Variants in TLCD2 observed in about 807,000 individuals in gnomAD.
TLCD2 encodes the protein TLC domain containing 2, also known as TLC domain-containing protein 2.
TLCD2 carries 12 observed loss-of-function variants against 14.0 expected under a neutral mutation model. The observed-to-expected ratio is 0.86, with a 90% CI of 0.55 to 1.39. The LOEUF is 1.39. Among genes scored for constraint, TLCD2 ranks in the 40% most tolerant of loss-of-function variants. The probability of loss-of-function intolerance (pLI) is 0.00; values close to 1 mark genes in which losing one functional copy is unlikely to be tolerated. For missense variants in TLCD2, 360 were observed against 346.8 expected (o/e 1.04, Z -0.30); for synonymous variants, 166 against 156.5 (o/e 1.06, Z -0.45).
rs1296377311 is a variant in TLCD2, at chr17:1,709,556, G to C, written c.285C>G (p.Asp95Glu). ...SVGYFLADGA[D>E]LLWNQTLGKT... Reference sequence around the variant, plus strand: ...TGCCCAAGGTCTGGTTCCACAGCAGGTCAGCTCCGTCTGCCAGGAAGTAAC... The same window carrying C: ...TGCCCAAGGTCTGGTTCCACAGCAGCTCAGCTCCGTCTGCCAGGAAGTAAC... The change falls in exon 3 of 4, where the codon GAC (aspartate) becomes GAG (glutamate). Residue 95 changes from aspartate to glutamate, a missense_variant. Coordinates refer to ENST00000330676, the MANE Select transcript of TLCD2 (RefSeq NM_001164407.2). 6.5e-7 allele frequency: 1 copy of C among 1,537,028 alleles called. No homozygotes were observed. Among genetic ancestry groups the C allele is most frequent in the East Asian group, 2.4e-5 (1 of 40,930 alleles).
At position 1,710,053 on chromosome 17, in the gene TLCD2, C is replaced by T; in HGVS notation, c.176+14G>A. ...CGCCCTCGCCCCGTGCGCCTCGAGC[C>T]CCCAAGCCCGCACCCGAGCAGCGCC... On this transcript the variant is annotated intron_variant, in intron 1 of 3. Transcript: ENST00000330676. The surrounding 1 kb of genome is among the most constrained non-coding windows in gnomAD (Gnocchi z 6.1). 1 of 1,532,186 alleles carries T rather than the reference C, an allele frequency of 6.5e-7. No homozygotes were observed. Among genetic ancestry groups the T allele is most frequent in the Non-Finnish European group, 8.7e-7 (1 of 1,145,840 alleles). 94.9% of individuals were successfully genotyped at this position (1,532,186 alleles called of 1,614,324 possible).
intron 2 of TLCD2, 94 bp from the exon 3 acceptor site, chr17:1,709,675 T>C: frequency 8.1e-7 from 1 of 1,231,720 alleles, no homozygotes; most frequent in South Asian, 1.3e-5. Context: ...TCCCAGTTCT[T>C]AGTTTTCCCT....
At position 1,706,835 on chromosome 17, in the gene TLCD2, A is replaced by G. The variant is rs1255732720; in HGVS notation, c.*935T>C. ...GTCAAAAGATACTAAAAATAAAAAT[A>G]AAAATAAAAGGCTAGACACAGCAGG... On this transcript the variant is annotated 3_prime_UTR_variant, in exon 4 of 4. Transcript: ENST00000330676. The G allele has an allele frequency of 6.6e-6, 1 of 152,050 alleles. No homozygotes were observed. Among genetic ancestry groups the G allele is most frequent in the Non-Finnish European group, 1.5e-5 (1 of 68,218 alleles). The allele number at this position is 152,050 out of a possible 1,614,324, so 9.4% of individuals were successfully genotyped here.
chr17:1,704,808 C>G lies in TLCD2; in HGVS notation c.*2962G>C, dbSNP rs1348771855. Reference sequence around the variant, plus strand: ...ACAACCTCGGCCTCCCAGGTTCAAACGATTCTCCTGCCTCAGCCTCCTCAG... The same window carrying G: ...ACAACCTCGGCCTCCCAGGTTCAAAGGATTCTCCTGCCTCAGCCTCCTCAG... On this transcript the variant is annotated 3_prime_UTR_variant, in exon 4 of 4. Coordinates refer to ENST00000330676, the MANE Select transcript of TLCD2 (RefSeq NM_001164407.2). 6.8e-6 allele frequency: 1 copy of G among 147,580 alleles called. No homozygotes were observed. Among genetic ancestry groups the G allele is most frequent in the Non-Finnish European group, 1.5e-5 (1 of 66,994 alleles). 9.1% of individuals were successfully genotyped at this position (147,580 alleles called of 1,614,324 possible). A position where few individuals can be genotyped will look rare whatever the true frequency, so the allele number is the denominator to read the frequency against.
intron 3 of TLCD2, 117 bp from the exon 4 acceptor site, chr17:1,708,339 G>T: frequency 1.3e-6 from 1 of 759,568 alleles, no homozygotes; most frequent in Non-Finnish European, 2.1e-6. Context: ...CCAAACACCT[G>T]ACCTTTATGC....
At chr17:1,709,110 C>T (rs1216691872) in intron 3 of TLCD2, among the ~76,000 whole-genome samples, 3 of 152,098 alleles carry the variant, frequency 2.0e-5, no homozygotes, top group Non-Finnish European at 2.9e-5. Flanking sequence ...AAGAGAGGGC[C>T]GGGGGCGGTG....
chr17:1,708,173 A>G lies in TLCD2; in HGVS notation c.392T>C (p.Phe131Ser), dbSNP rs144088832. ...TAVLSGHYVG[F>S]SMVSLLLELN... Reference sequence around the variant, plus strand: ...TTCCAGGAGCAGAGACACCATGGAGAAGCCCACGTAGTGGCCAGACAGAAC... The same window carrying G: ...TTCCAGGAGCAGAGACACCATGGAGGAGCCCACGTAGTGGCCAGACAGAAC... Residue 131 changes from phenylalanine (F) to serine (S), a missense_variant, in exon 4 of 4, where the codon TTC (phenylalanine) becomes TCC (serine). Physicochemically the swap from Phe to Ser is radical, Grantham distance 155. Coordinates refer to ENST00000330676, the MANE Select transcript of TLCD2 (RefSeq NM_001164407.2). 188 of 1,536,426 alleles carry G rather than the reference A, an allele frequency of 1.2e-4. 1 individual carries two copies. The African/African-American group carries it at 2.0e-3, about 16-fold the overall frequency.
At chr17:1,709,694 C>A (rs1432944744) in intron 2 of TLCD2, 110 bp downstream of exon 2, 4 of 1,159,348 alleles carry the variant, frequency 3.5e-6, no homozygotes, top group Middle Eastern at 1.9e-4. Context: ...CTTGGTAAAG[C>A]CTTCAGGAAC....
chr17:1,707,836 C>G lies in TLCD2; in HGVS notation c.729G>C (p.Gly243=). ...PPSPGHEKTR[G]TRTRRDNGPV... ...GTCCATTGTCACGACGTGTCCTGGT[C>G]CCCCTGGTTTTCTCATGGCCAGGGC... The change falls in exon 4 of 4, where the codon GGG becomes GGC. Residue 243 remains glycine (G), a synonymous_variant. Transcript: ENST00000330676. 6.5e-7 allele frequency: 1 copy of G among 1,534,606 alleles called. No individual in the cohort carries two copies. Among genetic ancestry groups the G allele is most frequent in the Middle Eastern group, 1.7e-4 (1 of 5,970 alleles).
In TLCD2 at chr17:1,710,033, T is replaced by TCGCCCC; in HGVS notation, c.176+28_176+33dup. 1.3e-6 allele frequency: 2 copies of TCGCCCC among 1,527,696 alleles called. No individual in the cohort carries two copies. The highest frequency in any genetic ancestry group is 1.4e-5 in the African/African-American group (1 of 72,304). 94.6% of individuals were successfully genotyped at this position (1,527,696 alleles called of 1,614,324 possible). A position where few individuals can be genotyped will look rare whatever the true frequency, so the allele number is the denominator to read the frequency against. ...GGCCTCAGCCTCCCACCCCTCGCCCTCGCCCCGTGCGCCTCGAGCCCCCAA... is the reference window on the plus strand; with the variant it reads ...GGCCTCAGCCTCCCACCCCTCGCCCTCGCCCCCGCCCCGTGCGCCTCGAGCCCCCAA... On this transcript the variant is annotated intron_variant, in intron 1 of 3. Transcript: ENST00000330676. This position sits in a 1 kb window ranked among gnomAD's most constrained non-coding sequence, Gnocchi z 6.1.
intron 2 of TLCD2, 54 bp from the exon 3 acceptor site, chr17:1,709,635 A>C: frequency 6.8e-7 from 1 of 1,469,380 alleles, no homozygotes; most frequent in East Asian, 2.5e-5. Flanking sequence ...CAGCTTAGAG[A>C]GGATTTCCAG....
At position 1,707,046 on chromosome 17, in the gene TLCD2, A is replaced by G. The variant is rs1914055182; in HGVS notation, c.*724T>C. ...GCTGGGCTTGGTGGTGCATGCCTGA[A>G]GTCACAGCTACTCGGGAGGCTAAGG... On this transcript the variant is annotated 3_prime_UTR_variant, in exon 4 of 4. Coordinates refer to ENST00000330676, the MANE Select transcript of TLCD2 (RefSeq NM_001164407.2). The G allele has an allele frequency of 6.6e-6, 1 of 152,156 alleles. No individual in the cohort carries two copies. The highest frequency in any genetic ancestry group is 2.1e-4 in the South Asian group (1 of 4,826). The allele number at this position is 152,156 out of a possible 1,614,324, so 9.4% of individuals were successfully genotyped here. A position where few individuals can be genotyped will look rare whatever the true frequency, so the allele number is the denominator to read the frequency against.
In TLCD2 at chr17:1,707,775, C is replaced by T; in HGVS notation, c.790G>A (p.Asp264Asn). ...GAGGGGCCCATGGCTTCTCTCTAGT[C>T]TTTCAGGCTGAGAGTCGAACTGTTG... ...TSNSSTLSLK[D>N] Residue 264 changes from aspartate to asparagine, a missense_variant, in exon 4 of 4, where the codon GAC becomes AAC. Coordinates refer to ENST00000330676, the MANE Select transcript of TLCD2 (RefSeq NM_001164407.2). The T allele has an allele frequency of 6.7e-7, 1 of 1,489,990 alleles. No homozygotes were observed. 92.3% of individuals were successfully genotyped at this position (1,489,990 alleles called of 1,614,324 possible). A position where few individuals can be genotyped will look rare whatever the true frequency, so the allele number is the denominator to read the frequency against.
At chr17:1,708,969 C>T (rs148814207) in intron 3 of TLCD2, among the ~76,000 whole-genome samples, 74 of 152,224 alleles carry the variant, frequency 4.9e-4, no homozygotes, top group African/African-American at 1.6e-3. Flanking sequence ...TGGTAGGTGC[C>T]CTGGCCTGGT....
chr17:1,709,964 C>T (rs887397960), intron 1 of TLCD2, 78 bp from the exon 2 acceptor site: 30 of 1,508,210 alleles, frequency 2.0e-5, no homozygotes, highest in Admixed American at 1.8e-4. Context: ...CCTGTGCGCA[C>T]CCCCACCCCA....
chr17:1,703,489 C>G lies in TLCD2; in HGVS notation c.*4281G>C, dbSNP rs1913936825. On this transcript the variant is annotated 3_prime_UTR_variant, in exon 4 of 4. Transcript: ENST00000330676. ...GGAGTGCAGTGGCACGATCTTGGCT[C>G]ACTGCAAGCTCCGCCTCCCGGGTTC... 1 of 152,242 alleles carries G rather than the reference C, an allele frequency of 6.6e-6. No homozygotes were observed. The highest frequency in any genetic ancestry group is 1.5e-5 in the Non-Finnish European group (1 of 68,058). 9.4% of individuals were successfully genotyped at this position (152,242 alleles called of 1,614,324 possible).
chr17:1,709,677 G>T, intron 2 of TLCD2, 96 bp from the exon 3 acceptor site: 2 of 924,704 alleles, frequency 2.2e-6, no homozygotes, highest in Non-Finnish European at 3.2e-6. Context: ...CCAGTTCTTA[G>T]TTTTCCCTTG....
In TLCD2 at chr17:1,709,504, A is replaced by G. The variant is rs1393172511; in HGVS notation, c.337T>C (p.Leu113=). The change falls in exon 3 of 4, where the codon TTG becomes CTG. Residue 113 remains leucine, a synonymous_variant. Transcript: ENST00000330676. ...GKTWDLLCHH[L]VVVSCLSTAV... ...TTCTGCCCTCAGAGTCTCACCACCA[A>G]ATGATGACAGAGAAGATCCCAGGTC... 1 of 1,536,784 alleles carries G rather than the reference A, an allele frequency of 6.5e-7. No individual in the cohort carries two copies. Among genetic ancestry groups the G allele is most frequent in the South Asian group, 1.2e-5 (1 of 84,026 alleles).
Position 1,707,967 on chromosome 17 carries a change from C to G in TLCD2, c.598G>C (p.Val200Leu). 1 of 1,537,238 alleles carries G rather than the reference C, an allele frequency of 6.5e-7. No individual in the cohort carries two copies. Among genetic ancestry groups the G allele is most frequent in the Non-Finnish European group, 8.7e-7 (1 of 1,146,912 alleles). ...RQHHQVPLALVTLGGIGLVTV... is the reference protein window; with the variant it reads ...RQHHQVPLALLTLGGIGLVTV... ...ACCAGCCCAATTCCACCCAGGGTGA[C>G]CAGAGCAAGAGGAACCTGGTGGTGC... Residue 200 changes from valine to leucine, a missense_variant, in exon 4 of 4, where the codon GTC becomes CTC. Transcript: ENST00000330676.
Sources: gnomAD v4.1 joint callset for allele counts (sites outside exome capture counted in the v4.1 genomes callset) on GRCh38, gnomAD v4.1.1 for gene constraint, Gnocchi (gnomAD v3.1) non-coding constraint, MANE v1.5 for transcripts, NCBI Gene and HGNC (gene_info 2026-07-23, HGNC 2026-07-21) for gene names.